Variants in MYO15B observed in about 807,000 individuals in gnomAD.
The protein encoded by MYO15B is myosin XVB.
Under a neutral mutation model 119.3 loss-of-function variants are expected in MYO15B, and 207 were observed. The observed-to-expected ratio is 1.73, with a 90% CI of 1.55 to 1.95. MYO15B has a LOEUF of 1.95. Among genes scored for constraint, MYO15B ranks in the 30% most tolerant of loss-of-function variants. MYO15B has a pLI of 0.00. For missense variants in MYO15B, 2,264 were observed against 1,203.1 expected (o/e 1.88, Z -13.04); for synonymous variants, 966 against 498.9 (o/e 1.94, Z -12.48).
intron 25 of MYO15B, 108 bp from the exon 26 acceptor site, chr17:75,612,690 C>T: frequency 3.1e-6 from 2 of 643,536 alleles, no homozygotes; most frequent in Non-Finnish European, 5.5e-6. Flanking sequence ...CATTAAGATG[C>T]ATTTCTGTCC....
At chr17:75,610,345 C>T (rs1164140420) in intron 22 of MYO15B, 86 bp downstream of exon 22, 3 of 601,844 alleles carry the variant, frequency 5.0e-6, no homozygotes, top group Non-Finnish European at 9.0e-6. Flanking sequence ...AGCGTTGACC[C>T]TCTCAGCCCG....
exon 47 of MYO15B, chr17:75,619,961 A>C: frequency 1.4e-6 from 1 of 702,836 alleles, no homozygotes; most frequent in South Asian, 1.5e-5. Flanking sequence ...GGTGCTGCAC[A>C]CAGCCCGGGC....
rs2057412578 is a variant in MYO15B at position 75,603,421 on chromosome 17, C to T, written c.4016+109C>T. 8.0e-6 allele frequency: 5 copies of T among 628,612 alleles called. No homozygotes were observed. The Admixed American group carries it at 1.3e-4, about 16-fold the overall frequency. The allele number at this position is 628,612 out of a possible 1,614,324, so 38.9% of individuals were successfully genotyped here. On this transcript the variant is annotated intron_variant, in intron 19 of 63. Coordinates refer to ENST00000645453, the Ensembl canonical transcript of MYO15B. The stretch of plus-strand genomic sequence containing the variant: ...TGGACTCACTCTGCCCAGGACTGGG[C>T]CTAGCACCCAACCCTCCCTCTCTCT...
chr17:75,614,444 G>A, intron 30 of MYO15B, 84 bp downstream of exon 30: 1 of 673,712 alleles, frequency 1.5e-6, no homozygotes, highest in Non-Finnish European at 2.7e-6. Flanking sequence ...GGGGTTTATA[G>A]GAGCTGCCAC....
intron 21 of MYO15B, among the ~76,000 whole-genome samples, chr17:75,608,604 G>T (rs1260648395): frequency 6.6e-6 from 1 of 151,850 alleles, no homozygotes; most frequent in Non-Finnish European, 1.5e-5. Context: ...TCGCGCCATT[G>T]CACTCCAGCA....
chr17:75,622,094 G>A lies in MYO15B; in HGVS notation c.8082+14G>A. Reference sequence around the variant, plus strand: ...GAACTGCTGAAGGTAAGCCTGGGCTGTGCGACCCCCAGCGCCTGTGCCTGT... The same window carrying A: ...GAACTGCTGAAGGTAAGCCTGGGCTATGCGACCCCCAGCGCCTGTGCCTGT... On this transcript the variant is annotated intron_variant, in intron 53 of 63. Transcript: ENST00000645453. 3 of 702,936 alleles carry A rather than the reference G, an allele frequency of 4.3e-6. No homozygotes were observed. Among genetic ancestry groups the A allele is most frequent in the Non-Finnish European group, 5.2e-6 (2 of 384,920 alleles). The allele number at this position is 702,936 out of a possible 1,614,324, so 43.5% of individuals were successfully genotyped here. A position where few individuals can be genotyped will look rare whatever the true frequency, so the allele number is the denominator to read the frequency against.
chr17:75,615,147 C>T (rs559042671), intron 33 of MYO15B, 93 bp from the exon 34 acceptor site: 3 of 677,066 alleles, frequency 4.4e-6, no homozygotes, highest in African/African-American at 3.5e-5. Context: ...TGGCCAGCAC[C>T]CCGGTGCCCG....
chr17:75,594,087 C>G (rs1349360332), intron 9 of MYO15B, among the ~76,000 whole-genome samples: 1 of 59,410 alleles, frequency 1.7e-5, no homozygotes, highest in Non-Finnish European at 3.2e-5. Flanking sequence ...GAGACCCTGT[C>G]TCAAAAAAAA....
chr17:75,615,948 T>TGGGCAGGGTGAGTAGGC, intron 36 of MYO15B, 64 bp downstream of exon 36: 1 of 608,544 alleles, frequency 1.6e-6, no homozygotes, highest in Non-Finnish European at 3.0e-6. Context: ...GCAGGGGACA[T>TGGGCAGGGTGAGTAGGC]GGGCAGGGTG....
At position 75,589,542 on chromosome 17, in the gene MYO15B, C is replaced by G. The variant is rs1273390832; in HGVS notation, c.1485C>G (p.His495Gln). 5.0e-6 allele frequency: 2 copies of G among 398,640 alleles called. No individual in the cohort carries two copies. Among genetic ancestry groups the G allele is most frequent in the South Asian group, 1.3e-4 (1 of 7,884 alleles). The allele number at this position is 398,640 out of a possible 1,614,324, so 24.7% of individuals were successfully genotyped here. ...GGGGCCGTGAGCCCGGGCTGCGGCA[C>G]CGTCTAGCGTTGCGCCTGGCTGGCT... Residue 495 changes from histidine to glutamine, a missense_variant, in exon 1 of 64, where the codon CAC becomes CAG. His to Gln is a conservative substitution (Grantham distance 24, BLOSUM62 0). Transcript: ENST00000645453. This position sits in a 1 kb window ranked among gnomAD's most constrained non-coding sequence, Gnocchi z 4.2.
At chr17:75,618,321 C>A (rs1266782757) in intron 43 of MYO15B, 136 bp downstream of exon 43, 1 of 640,274 alleles carries the variant, frequency 1.6e-6, no homozygotes, top group Non-Finnish European at 2.9e-6. Flanking sequence ...TTCTGTGTGC[C>A]CAGACCTGCC....
At chr17:75,611,550 G>T (rs2058030689) in intron 23 of MYO15B, 51 bp from the exon 24 acceptor site, 1 of 700,892 alleles carries the variant, frequency 1.4e-6, no homozygotes. Context: ...GAGGGACACT[G>T]GTCCCTAGGC....
At chr17:75,588,632 A>G in exon 1 of MYO15B, 1 of 400,308 alleles carries the variant, frequency 2.5e-6, no homozygotes, top group Non-Finnish European at 4.4e-6. Flanking sequence ...ATGGGCTCGG[A>G]AGGGACAAAA....
intron 18 of MYO15B, 30 bp downstream of exon 18, chr17:75,603,107 C>G (rs1464747387): frequency 1.4e-6 from 1 of 703,066 alleles, no homozygotes; most frequent in Non-Finnish European, 2.6e-6. Flanking sequence ...GCCTCAGGGC[C>G]CTCCCCCTCC....
chr17:75,620,975 A>C lies in MYO15B; in HGVS notation c.7726-56A>C, dbSNP rs1053206693. 3 of 702,556 alleles carry C rather than the reference A, an allele frequency of 4.3e-6. No individual in the cohort carries two copies. The East Asian group carries it at 8.0e-5, about 19-fold the overall frequency. 43.5% of individuals were successfully genotyped at this position (702,556 alleles called of 1,614,324 possible). A position where few individuals can be genotyped will look rare whatever the true frequency, so the allele number is the denominator to read the frequency against. ...TGGGGAGGGATGGGGCTGGGGCAGG[A>C]CCCCTGGGACAGGGCACTGGACACT... On this transcript the variant is annotated intron_variant, in intron 49 of 63. Transcript: ENST00000645453.
exon 7 of MYO15B, chr17:75,592,275 C>G (rs774796325): frequency 1.4e-6 from 1 of 702,914 alleles, no homozygotes; most frequent in South Asian, 1.5e-5. Flanking sequence ...TCATTATCTA[C>G]TTGAGACCTC....
chr17:75,605,879 C>T lies in MYO15B; in HGVS notation c.4150C>T (p.Gln1384Ter), dbSNP rs114481586. The stretch of plus-strand genomic sequence containing the variant: ...CTACCCACAGGTCCTGCTGCAGGAG[C>T]AGGGCTGGCAGCGGCTGGAGGAGCT... The change falls in exon 21 of 64, where the codon CAG (glutamine) becomes TAG (stop). Residue 1384 changes from glutamine (Q) to a stop codon, truncating the protein, a stop_gained. Coordinates refer to ENST00000645453, the Ensembl canonical transcript of MYO15B. LOFTEE classifies it high-confidence loss of function. 7.6e-3 allele frequency: 5,297 copies of T among 697,308 alleles called. 100 individuals carry two copies. The highest frequency in any genetic ancestry group is 0.052 in the African/African-American group (2,956 of 57,264). 43.2% of individuals were successfully genotyped at this position (697,308 alleles called of 1,614,324 possible).
chr17:75,606,044 G>T, intron 21 of MYO15B, 23 bp downstream of exon 21: 1 of 669,046 alleles, frequency 1.5e-6, no homozygotes, highest in South Asian at 1.6e-5. Context: ...TGGAGCCAGG[G>T]CTGAAGTGGG....
Position 75,611,651 on chromosome 17 carries a change from G to A in MYO15B, c.4497G>A (p.Thr1499=), listed in dbSNP as rs551235381. 7.3e-5 allele frequency: 51 copies of A among 702,792 alleles called. No homozygotes were observed. The East Asian group carries it at 1.1e-3, about 16-fold the overall frequency. 43.5% of individuals were successfully genotyped at this position (702,792 alleles called of 1,614,324 possible). The change falls in exon 24 of 64, where the codon ACG becomes ACA. Residue 1499 remains threonine, a synonymous_variant. Transcript: ENST00000645453. Reference sequence around the variant, plus strand: ...CTGAGCTGGCCGTCATGCTGAAGACGGCGGAAAGTGAGTCTTGTTGGTGTC... The same window carrying A: ...CTGAGCTGGCCGTCATGCTGAAGACAGCGGAAAGTGAGTCTTGTTGGTGTC...
Sources: allele counts gnomAD v4.1 joint callset (sites outside exome capture counted in the v4.1 genomes callset), GRCh38; gene constraint gnomAD v4.1.1; non-coding constraint Gnocchi (gnomAD v3.1); transcripts MANE v1.5; gene names NCBI Gene and HGNC (gene_info 2026-07-23, HGNC 2026-07-21).